Variants in ANKRD44 observed in about 807,000 individuals in gnomAD.
ANKRD44 encodes the protein ankyrin repeat domain 44, also known as serine/threonine-protein phosphatase 6 regulatory ankyrin repeat subunit B.
Under a neutral mutation model 116.0 loss-of-function variants are expected in ANKRD44, and 35 were observed. The observed-to-expected ratio is 0.30, with a 90% CI of 0.23 to 0.40. ANKRD44 has a LOEUF of 0.40. Among genes scored for constraint, ANKRD44 ranks in the 10% least tolerant of loss-of-function variants. The probability of loss-of-function intolerance (pLI) is 1.00; values close to 1 mark genes in which losing one functional copy is unlikely to be tolerated. For missense variants in ANKRD44, 1,014 were observed against 1,242.6 expected (o/e 0.82, Z 2.77); for synonymous variants, 435 against 461.8 (o/e 0.94, Z 0.74).
intron 1 of ANKRD44, among the ~76,000 whole-genome samples, chr2:197,246,673 GAC>G (rs1471640425): frequency 6.6e-6 from 1 of 151,990 alleles, no homozygotes; most frequent in African/African-American, 2.4e-5. Context: ...TTATCTTCCT[GAC>G]ACACATTTTC....
intron 18 of ANKRD44, among the ~76,000 whole-genome samples, chr2:197,010,079 G>C (rs755188446): frequency 1.3e-5 from 2 of 152,082 alleles, no homozygotes; most frequent in African/African-American, 2.4e-5. Flanking sequence ...AGGAAGGAAG[G>C]AGAGAAGTGG....
At chr2:196,970,317 G>A (rs1338361966) in intron 21 of ANKRD44, among the ~76,000 whole-genome samples, 2 of 152,168 alleles carry the variant, frequency 1.3e-5, no homozygotes, top group South Asian at 2.1e-4. Flanking sequence ...GTTGACTAAC[G>A]GATCTAGTCT....
intron 9 of ANKRD44, among the ~76,000 whole-genome samples, chr2:197,102,447 G>T (rs2078315955): frequency 6.6e-6 from 1 of 152,124 alleles, no homozygotes; most frequent in South Asian, 2.1e-4. Flanking sequence ...AGTATGAGAG[G>T]CACTTTTCCT....
At chr2:197,070,187 T>C (rs1409867167) in intron 16 of ANKRD44, among the ~76,000 whole-genome samples, 1 of 152,144 alleles carries the variant, frequency 6.6e-6, no homozygotes, top group Admixed American at 6.6e-5. Context: ...CATCTGCAAA[T>C]AGGAACAGTT....
At position 196,988,069 on chromosome 2, in the gene ANKRD44, G is replaced by A; in HGVS notation, c.*1522C>T. On this transcript the variant is annotated 3_prime_UTR_variant, in exon 28 of 28. Transcript: ENST00000282272. ...TCCTTTGTCCTCCTTCTATGAGTAA[G>A]AGAGTGGGAAAAGTCAAAACGCAGC... 1 of 985,402 alleles carries A rather than the reference G, an allele frequency of 1.0e-6. No homozygotes were observed. The highest frequency in any genetic ancestry group is 1.2e-6 in the Non-Finnish European group (1 of 829,924). 61.0% of individuals were successfully genotyped at this position (985,402 alleles called of 1,614,324 possible). A position where few individuals can be genotyped will look rare whatever the true frequency, so the allele number is the denominator to read the frequency against.
intron 1 of ANKRD44, among the ~76,000 whole-genome samples, chr2:197,213,898 T>C (rs2081380929): frequency 6.6e-6 from 1 of 152,224 alleles, no homozygotes; most frequent in African/African-American, 2.4e-5. Flanking sequence ...ATCTTGGCAA[T>C]ACTACAGCAC....
At chr2:197,020,891 T>C (rs2076485243) in intron 17 of ANKRD44, among the ~76,000 whole-genome samples, 1 of 151,116 alleles carries the variant, frequency 6.6e-6, no homozygotes, top group South Asian at 2.1e-4. Flanking sequence ...GTTGGTGTGC[T>C]GCACCCATTA....
At chr2:197,244,117 C>T (rs1392949706) in intron 1 of ANKRD44, among the ~76,000 whole-genome samples, 1 of 152,234 alleles carries the variant, frequency 6.6e-6, no homozygotes, top group East Asian at 1.9e-4. Context: ...GGAGACCCAT[C>T]TCAAAGCACA....
intron 17 of ANKRD44, among the ~76,000 whole-genome samples, chr2:197,017,539 A>C (rs1451311685): frequency 2.0e-5 from 3 of 152,214 alleles, no homozygotes; most frequent in African/African-American, 7.2e-5. Context: ...ATTATGTTAC[A>C]TATTAAACCT....
intron 1 of ANKRD44, among the ~76,000 whole-genome samples, chr2:197,274,112 A>C (rs1001766956): frequency 1.3e-5 from 2 of 150,236 alleles, no homozygotes; most frequent in Non-Finnish European, 3.0e-5. Context: ...AAATGACTGA[A>C]TGAATGAATG....
At chr2:197,260,150 T>C (rs376480173) in intron 1 of ANKRD44, among the ~76,000 whole-genome samples, 2 of 152,334 alleles carry the variant, frequency 1.3e-5, no homozygotes, top group East Asian at 3.9e-4. Flanking sequence ...TTGTTACATA[T>C]GTATACGTGT....
At chr2:197,074,008 A>G (rs1574405074) in intron 16 of ANKRD44, among the ~76,000 whole-genome samples, 1 of 116,680 alleles carries the variant, frequency 8.6e-6, no homozygotes, top group African/African-American at 2.7e-5. Context: ...ATCTTATCAT[A>G]AAAAATTGTC....
At position 196,993,661 on chromosome 2, in the gene ANKRD44, C is replaced by T. The variant is rs765645587; in HGVS notation, c.2845G>A (p.Ala949Thr). The T allele has an allele frequency of 1.5e-5, 23 of 1,550,752 alleles. No homozygotes were observed. Among genetic ancestry groups the T allele is most frequent in the Non-Finnish European group, 1.8e-5 (21 of 1,147,010 alleles). ...NNALQTPLHVAARNGLKVVVE... is the reference protein window; with the variant it reads ...NNALQTPLHVTARNGLKVVVE... ...ACCACCTTTAAGCCATTGCGCGCAG[C>T]GACGTGGAGGGGTCTAAAAAACACA... Residue 949 changes from alanine (A) to threonine (T), a missense_variant, in exon 27 of 28, where the codon GCT becomes ACT. Transcript: ENST00000282272.
chr2:197,148,280 T>C (rs1473934696), intron 2 of ANKRD44, among the ~76,000 whole-genome samples: 2 of 152,204 alleles, frequency 1.3e-5, no homozygotes, highest in Non-Finnish European at 2.9e-5. Flanking sequence ...GGCCTCACTC[T>C]TCTTTATCCC....
chr2:197,284,772 GC>G (rs2083362619), intron 1 of ANKRD44, among the ~76,000 whole-genome samples: 1 of 151,572 alleles, frequency 6.6e-6, no homozygotes, highest in Admixed American at 6.6e-5. Context: ...TGTAATCCTA[GC>G]TACTGGGGAG....
At chr2:197,309,547 C>A (rs943845061) in intron 1 of ANKRD44, among the ~76,000 whole-genome samples, 2 of 152,106 alleles carry the variant, frequency 1.3e-5, no homozygotes, top group African/African-American at 4.8e-5. Context: ...AGATGCAACC[C>A]ATGGACAAGT....
intron 1 of ANKRD44, among the ~76,000 whole-genome samples, chr2:197,191,255 C>T (rs2080814596): frequency 1.3e-5 from 2 of 152,126 alleles, no homozygotes; most frequent in African/African-American, 4.8e-5. Context: ...TCAGATGGGA[C>T]CTGTCCTTGC....
intron 2 of ANKRD44, among the ~76,000 whole-genome samples, chr2:197,186,606 A>ATTTTTTTTTTTT (rs2080669547): frequency 1.2e-5 from 1 of 81,454 alleles, no homozygotes; most frequent in Non-Finnish European, 2.4e-5. Flanking sequence ...TGCCCGGCTA[A>ATTTTTTTTTTTT]TTTTTCTTTT....
In ANKRD44 at chr2:197,170,190, CA is replaced by C. The variant is rs71012960; in HGVS notation, c.111+16832del. On this transcript the variant is annotated intron_variant, in intron 2 of 27. Coordinates refer to ENST00000282272, the MANE Select transcript of ANKRD44 (RefSeq NM_001195144.2). ...GGGCGATAGAACAAGACCCTGTTTC[CA>C]AAAAAAAAAAAAAAAAAAAAAAACT... Among the ~76,000 whole-genome samples, 259 of 119,718 alleles carry C rather than the reference CA, an allele frequency of 2.2e-3. 1 individual carries two copies. The highest frequency in any genetic ancestry group is 7.5e-3 in the African/African-American group (229 of 30,478). 78.5% of individuals were successfully genotyped at this position (119,718 alleles called of 152,430 possible). A position where few individuals can be genotyped will look rare whatever the true frequency, so the allele number is the denominator to read the frequency against.
Sources: allele counts gnomAD v4.1 joint callset (sites outside exome capture counted in the v4.1 genomes callset), GRCh38; gene constraint gnomAD v4.1.1; transcripts MANE v1.5; gene names NCBI Gene and HGNC (gene_info 2026-07-23, HGNC 2026-07-21).